CLINT1: variants seen among roughly 807,000 people sequenced by gnomAD.
The protein encoded by CLINT1 is clathrin interactor 1.
In CLINT1, 15 loss-of-function variants were observed where a neutral mutation model predicts 70.4. The observed-to-expected ratio is 0.21, with a 90% CI of 0.14 to 0.33. The LOEUF (loss-of-function observed/expected upper bound fraction) is 0.33. CLINT1 is among the 10% of genes least tolerant of loss of function. The probability of loss-of-function intolerance (pLI) is 1.00; values close to 1 mark genes in which losing one functional copy is unlikely to be tolerated. For synonymous variants in CLINT1, 227 were observed against 254.7 expected (o/e 0.89, Z 1.04); for missense variants, 615 against 778.1 (o/e 0.79, Z 2.49).
intron 8 of CLINT1, 72 bp from the exon 9 acceptor site, chr5:157,795,044 A>G: frequency 1.6e-6 from 2 of 1,223,202 alleles, no homozygotes; most frequent in Non-Finnish European, 2.4e-6. Flanking sequence ...AGGCCATTTT[A>G]GTGCCACACA....
At chr5:157,796,897 T>C (rs1762085785) in intron 8 of CLINT1, among the ~76,000 whole-genome samples, 1 of 152,118 alleles carries the variant, frequency 6.6e-6, no homozygotes, top group Admixed American at 6.6e-5. Context: ...CATATATATA[T>C]ATATATATAT....
chr5:157,859,065 C>A lies in CLINT1; in HGVS notation c.-95G>T, dbSNP rs926778065. ...CGGGGCAGTTCCAGGCCGGGGTCAC[C>A]GCCGCCCGCCGCCTCGAACTCCCCC... On this transcript the variant is annotated 5_prime_UTR_variant, in exon 1 of 12. Coordinates refer to ENST00000411809, the MANE Select transcript of CLINT1 (RefSeq NM_014666.4). The A allele has an allele frequency of 4.3e-6, 6 of 1,388,084 alleles. No homozygotes were observed. Among genetic ancestry groups the A allele is most frequent in the Non-Finnish European group, 5.9e-6 (6 of 1,008,706 alleles). 86.0% of individuals were successfully genotyped at this position (1,388,084 alleles called of 1,614,324 possible).
At chr5:157,811,175 T>C (rs1332779493) in intron 5 of CLINT1, among the ~76,000 whole-genome samples, 3 of 152,192 alleles carry the variant, frequency 2.0e-5, no homozygotes, top group Non-Finnish European at 4.4e-5. Context: ...TAGCATGGCA[T>C]GGTGAACATC....
At chr5:157,809,875 T>A in intron 5 of CLINT1, 70 bp from the exon 6 acceptor site, 1 of 1,396,840 alleles carries the variant, frequency 7.2e-7, no homozygotes, top group Middle Eastern at 2.1e-4. Context: ...CAAGTCCTTA[T>A]TTCTCAGGCT....
intron 7 of CLINT1, 61 bp downstream of exon 7, chr5:157,805,805 T>C (rs1762367587): frequency 1.3e-6 from 2 of 1,593,230 alleles, no homozygotes; most frequent in Admixed American, 3.4e-5. Context: ...AATGCAGGAA[T>C]TCGAAGAGCG....
chr5:157,829,990 T>C (rs1486915730), intron 1 of CLINT1, among the ~76,000 whole-genome samples: 2 of 151,358 alleles, frequency 1.3e-5, no homozygotes, highest in East Asian at 3.9e-4. Context: ...GCTCTGTCAC[T>C]CAGGCTGGAG....
intron 8 of CLINT1, among the ~76,000 whole-genome samples, chr5:157,800,358 A>T (rs549442724): frequency 9.2e-5 from 14 of 152,286 alleles, no homozygotes; most frequent in Admixed American, 5.2e-4. Flanking sequence ...TACTATTATA[A>T]ATATGGGCAC....
chr5:157,853,934 C>T (rs1312923939), intron 1 of CLINT1, among the ~76,000 whole-genome samples: 4 of 151,936 alleles, frequency 2.6e-5, no homozygotes. Context: ...GAAATGCTAG[C>T]AGAGATAAAC....
chr5:157,835,951 T>C (rs1227216120), intron 1 of CLINT1, among the ~76,000 whole-genome samples: 1 of 152,238 alleles, frequency 6.6e-6, no homozygotes, highest in Non-Finnish European at 1.5e-5. Flanking sequence ...GAGTGTAAAC[T>C]ATGGATTTGG....
chr5:157,853,278 A>C (rs1753634940), intron 1 of CLINT1, among the ~76,000 whole-genome samples: 1 of 151,750 alleles, frequency 6.6e-6, no homozygotes, highest in East Asian at 2.0e-4. Context: ...GGCAGAGGCC[A>C]GTCGCAGTGA....
chr5:157,826,753 T>C (rs1445460466), intron 1 of CLINT1, among the ~76,000 whole-genome samples: 1 of 152,140 alleles, frequency 6.6e-6, no homozygotes, highest in Non-Finnish European at 1.5e-5. Flanking sequence ...CAAAGAATGG[T>C]TTCATAGCAG....
chr5:157,851,681 C>T (rs946748625), intron 1 of CLINT1, among the ~76,000 whole-genome samples: 11 of 132,082 alleles, frequency 8.3e-5, no homozygotes, highest in South Asian at 4.9e-4. Flanking sequence ...AGCAAGACCC[C>T]GTCTCAAAAA....
At chr5:157,842,263 T>C (rs1024269332) in intron 1 of CLINT1, among the ~76,000 whole-genome samples, 5 of 152,210 alleles carry the variant, frequency 3.3e-5, no homozygotes, top group African/African-American at 1.2e-4. Context: ...CCCAAAGCCA[T>C]GTTGGTATGT....
intron 5 of CLINT1, 51 bp from the exon 6 acceptor site, chr5:157,809,856 AG>A: frequency 6.5e-7 from 1 of 1,531,698 alleles, no homozygotes; most frequent in Non-Finnish European, 8.9e-7. Context: ...TAAATTCAAA[AG>A]GTATCTACAA....
At chr5:157,851,600 C>T (rs570931613) in intron 1 of CLINT1, among the ~76,000 whole-genome samples, 1 of 137,638 alleles carries the variant, frequency 7.3e-6, no homozygotes, top group African/African-American at 2.6e-5. Context: ...GCTTAAGCTA[C>T]TTGGGAGGAT....
intron 4 of CLINT1, among the ~76,000 whole-genome samples, 151 bp from the exon 5 acceptor site, chr5:157,813,378 T>C (rs1470914588): frequency 6.6e-6 from 1 of 152,174 alleles, no homozygotes; most frequent in Non-Finnish European, 1.5e-5. Context: ...CTATTTAACT[T>C]TGTCATTTCC....
chr5:157,856,879 A>C (rs1438625164), intron 1 of CLINT1, among the ~76,000 whole-genome samples: 2 of 152,240 alleles, frequency 1.3e-5, no homozygotes, highest in Non-Finnish European at 2.9e-5. Flanking sequence ...ATAACTACTT[A>C]CATGGCAAAT....
chr5:157,809,530 T>C lies in CLINT1; in HGVS notation c.695+98A>G, dbSNP rs1013111655. 5.5e-6 allele frequency: 5 copies of C among 914,978 alleles called. No homozygotes were observed. The African/African-American group carries it at 7.2e-5, about 13-fold the overall frequency. The allele number at this position is 914,978 out of a possible 1,614,324, so 56.7% of individuals were successfully genotyped here. ...AAAAAAAAGGCCCAATTTCAGATAA[T>C]GTTAATACCCCAAACAAAACCAACA... On this transcript the variant is annotated intron_variant, in intron 6 of 11. Coordinates refer to ENST00000411809, the MANE Select transcript of CLINT1 (RefSeq NM_014666.4).
chr5:157,835,179 T>G (rs1187004), intron 1 of CLINT1, among the ~76,000 whole-genome samples: 20,366 of 152,200 alleles, frequency 0.13, 1,793 homozygotes, highest in African/African-American at 0.25. Flanking sequence ...AAAATGGCCC[T>G]GAGCATAGTG....
Sources: allele counts gnomAD v4.1 joint callset (sites outside exome capture counted in the v4.1 genomes callset), GRCh38; gene constraint gnomAD v4.1.1; transcripts MANE v1.5; gene names NCBI Gene and HGNC (gene_info 2026-07-23, HGNC 2026-07-21).